Variants in AIG1 observed in about 807,000 individuals in gnomAD.
AIG1 encodes the protein androgen-induced gene 1 protein.
In AIG1, 23 loss-of-function variants were observed where a neutral mutation model predicts 31.4. The ratio of observed to expected loss-of-function variants is 0.73; its 90% confidence interval spans 0.53 to 1.04. The LOEUF (loss-of-function observed/expected upper bound fraction) is 1.04. Ranked by LOEUF, AIG1 falls within the 50% of genes least tolerant of loss-of-function variation. AIG1 has a pLI of 0.00. For missense variants in AIG1, 274 were observed against 295.0 expected (o/e 0.93, Z 0.52); for synonymous variants, 100 against 110.5 (o/e 0.90, Z 0.60).
At chr6:143,247,618 G>A (rs904368406) in intron 3 of AIG1, among the ~76,000 whole-genome samples, 2 of 152,172 alleles carry the variant, frequency 1.3e-5, no homozygotes, top group African/African-American at 2.4e-5. Flanking sequence ...AAGGGAAATG[G>A]CCAGACATCT....
intron 2 of AIG1, among the ~76,000 whole-genome samples, chr6:143,146,544 TCTC>T (rs749356341): frequency 1.9e-4 from 29 of 150,934 alleles, no homozygotes; most frequent in Non-Finnish European, 4.0e-4. Flanking sequence ...CTCACCCTCT[TCTC>T]TCTTTCTCTC....
At chr6:143,302,843 A>G (rs539284089) in intron 4 of AIG1, among the ~76,000 whole-genome samples, 119 of 152,336 alleles carry the variant, frequency 7.8e-4, no homozygotes, top group Non-Finnish European at 1.3e-3. Context: ...TCTCACCAAC[A>G]GTGTAAAAGT....
chr6:143,159,471 T>C lies in AIG1; in HGVS notation c.298-5611T>C, dbSNP rs534704752. Among the ~76,000 whole-genome samples, 3 of 152,350 alleles carry C rather than the reference T, an allele frequency of 2.0e-5. No homozygotes were observed. In the East Asian group the frequency reaches 5.8e-4, roughly 29 times the overall value. ...AAAGAGCATAACATCAACAAGTGCTTTGGCAATTTTCTATGTGGAGATTCT... is the reference window on the plus strand; with the variant it reads ...AAAGAGCATAACATCAACAAGTGCTCTGGCAATTTTCTATGTGGAGATTCT... On this transcript the variant is annotated intron_variant, in intron 2 of 5. Transcript: ENST00000357847.
chr6:143,324,502 C>G (rs574000220), intron 4 of AIG1, among the ~76,000 whole-genome samples: 4 of 152,336 alleles, frequency 2.6e-5, no homozygotes, highest in Non-Finnish European at 5.9e-5. Context: ...TGTCCCCATC[C>G]ATCACCATCT....
At chr6:143,123,908 T>C (rs181355638) in intron 1 of AIG1, among the ~76,000 whole-genome samples, 10 of 152,318 alleles carry the variant, frequency 6.6e-5, no homozygotes, top group African/African-American at 1.9e-4. Context: ...AGATAATGTC[T>C]TCATAGGTTT....
chr6:143,340,459 A>AAT lies in AIG1; in HGVS notation c.*783_*784insAT. 6.6e-6 allele frequency among the ~76,000 whole-genome samples: 1 copy of AAT among 150,944 alleles called. No homozygotes were observed. The highest frequency in any genetic ancestry group is 2.0e-4 in the East Asian group (1 of 5,110). On this transcript the variant is annotated 3_prime_UTR_variant, in exon 6 of 6. Transcript: ENST00000357847. Reference sequence around the variant, plus strand: ...AATCTTTTTGATAACTCCAAAACAAATTTTTTTTTTCTTTTTTTCCAGATG... The same window carrying AAT: ...AATCTTTTTGATAACTCCAAAACAAAATTTTTTTTTTTCTTTTTTTCCAGATG...
intron 1 of AIG1, among the ~76,000 whole-genome samples, chr6:143,101,662 G>A (rs911725750): frequency 4.6e-5 from 7 of 152,078 alleles, no homozygotes; most frequent in African/African-American, 7.2e-5. Context: ...GGGGGAAAGG[G>A]TAGGAAGTGG....
intron 3 of AIG1, among the ~76,000 whole-genome samples, chr6:143,187,019 C>T (rs767234230): frequency 3.3e-5 from 5 of 152,142 alleles, no homozygotes; most frequent in Admixed American, 6.5e-5. Context: ...CTCCCTAGAG[C>T]TAATGATTTT....
chr6:143,086,198 G>A (rs927738769), intron 1 of AIG1, among the ~76,000 whole-genome samples: 1 of 152,178 alleles, frequency 6.6e-6, no homozygotes, highest in Admixed American at 6.5e-5. Context: ...TGGTTTCACT[G>A]TTTTCAGGCT....
chr6:143,314,466 A>G (rs531925759), intron 4 of AIG1, among the ~76,000 whole-genome samples: 1 of 152,300 alleles, frequency 6.6e-6, no homozygotes, highest in South Asian at 2.1e-4. Context: ...GTAAGTAATT[A>G]TAAAAATATT....
At chr6:143,158,818 G>T (rs1040496815) in intron 2 of AIG1, among the ~76,000 whole-genome samples, 29 of 152,228 alleles carry the variant, frequency 1.9e-4, no homozygotes, top group African/African-American at 7.0e-4. Flanking sequence ...ACTTGCTCCT[G>T]TGGGAGATGT....
At chr6:143,145,062 T>A (rs1194675645) in intron 2 of AIG1, among the ~76,000 whole-genome samples, 1 of 152,254 alleles carries the variant, frequency 6.6e-6, no homozygotes, top group Admixed American at 6.5e-5. Context: ...TCTCACTGTG[T>A]TGCCTAGACT....
chr6:143,259,225 A>G (rs941763627), intron 3 of AIG1, among the ~76,000 whole-genome samples: 4 of 152,246 alleles, frequency 2.6e-5, no homozygotes, highest in African/African-American at 9.6e-5. Flanking sequence ...TTTTCTTTAT[A>G]AAATACTCAG....
intron 2 of AIG1, among the ~76,000 whole-genome samples, chr6:143,144,323 G>A (rs1784538162): frequency 1.3e-5 from 2 of 152,222 alleles, no homozygotes; most frequent in African/African-American, 4.8e-5. Flanking sequence ...TGAGTGCTAA[G>A]AGTCAGGATA....
chr6:143,163,853 T>G (rs1786659012), intron 2 of AIG1, among the ~76,000 whole-genome samples: 1 of 152,146 alleles, frequency 6.6e-6, no homozygotes, highest in South Asian at 2.1e-4. Flanking sequence ...CCAATCAAAA[T>G]ACTGCCTGGA....
chr6:143,095,970 G>T (rs1247142740), intron 1 of AIG1, among the ~76,000 whole-genome samples: 3 of 139,284 alleles, frequency 2.2e-5, no homozygotes, highest in South Asian at 2.4e-4. Context: ...GCAGTGGCAC[G>T]ATCTCGGCTC....
intron 3 of AIG1, among the ~76,000 whole-genome samples, chr6:143,266,242 G>T (rs1796143319): frequency 6.6e-6 from 1 of 151,686 alleles, no homozygotes; most frequent in Admixed American, 6.6e-5. Context: ...AGCTACTCGG[G>T]AGGCTGAGGT....
At chr6:143,146,270 T>C (rs1347547207) in intron 2 of AIG1, among the ~76,000 whole-genome samples, 16 of 151,998 alleles carry the variant, frequency 1.1e-4, no homozygotes. Context: ...ATAAGTAAAA[T>C]ATGTATTTGA....
chr6:143,160,607 G>A (rs1786271036), intron 2 of AIG1, among the ~76,000 whole-genome samples: 1 of 152,202 alleles, frequency 6.6e-6, no homozygotes, highest in Admixed American at 6.5e-5. Flanking sequence ...CAGAGAAGGT[G>A]CTTCTTCACA....
Sources: allele counts gnomAD v4.1 joint callset (sites outside exome capture counted in the v4.1 genomes callset), GRCh38; gene constraint gnomAD v4.1.1; transcripts MANE v1.5; gene names NCBI Gene and HGNC (gene_info 2026-07-23, HGNC 2026-07-21).